Variants in PALLD observed in about 807,000 individuals in gnomAD.
The protein encoded by PALLD is palladin, cytoskeletal associated protein.
A neutral mutation model predicts 123.5 loss-of-function variants in PALLD; 61 were observed. That is an observed-to-expected ratio of 0.49 (90% CI 0.40 to 0.61). The LOEUF (loss-of-function observed/expected upper bound fraction) is 0.61, where lower values mean the gene tolerates loss of function less well. Ranked by LOEUF, PALLD falls within the 20% of genes least tolerant of loss-of-function variation. The probability of loss-of-function intolerance (pLI) is 0.00; values close to 1 mark genes in which losing one functional copy is unlikely to be tolerated. For missense variants in PALLD, 1,273 were observed against 1,377.0 expected, an observed-to-expected ratio of 0.92 and a Z score of 1.20; for synonymous variants, 465 against 496.4, an observed-to-expected ratio of 0.94 and a Z score of 0.84.
intron 10 of PALLD, among the ~76,000 whole-genome samples, chr4:168,771,672 T>C (rs1423546853): frequency 1.3e-5 from 2 of 152,178 alleles, no homozygotes; most frequent in Non-Finnish European, 2.9e-5. Context: ...AGGGCTTGTC[T>C]ACACTTGGTC....
chr4:168,855,397 AATGTT>A (rs1294132852), intron 10 of PALLD, among the ~76,000 whole-genome samples: 3 of 152,146 alleles, frequency 2.0e-5, no homozygotes, highest in Non-Finnish European at 4.4e-5. Flanking sequence ...CCTGAAAAGG[AATGTT>A]CTAAGTTCAG....
At chr4:168,819,524 A>T (rs1221153268) in intron 10 of PALLD, among the ~76,000 whole-genome samples, 1 of 152,200 alleles carries the variant, frequency 6.6e-6, no homozygotes, top group African/African-American at 2.4e-5. Flanking sequence ...TTGGGAGCCA[A>T]TCCTGACATT....
intron 1 of PALLD, among the ~76,000 whole-genome samples, chr4:168,505,251 A>G (rs564651864): frequency 2.6e-5 from 4 of 152,328 alleles, no homozygotes; most frequent in Non-Finnish European, 5.9e-5. Context: ...TTCAATGTGC[A>G]AGCAGTTTTA....
intron 2 of PALLD, among the ~76,000 whole-genome samples, chr4:168,592,925 C>T (rs1254824758): frequency 4.0e-5 from 6 of 151,884 alleles, no homozygotes; most frequent in African/African-American, 9.7e-5. Context: ...AAGAGACCTA[C>T]GTGTCTAGAA....
At chr4:168,777,985 C>A (rs998080543) in intron 10 of PALLD, among the ~76,000 whole-genome samples, 3 of 152,188 alleles carry the variant, frequency 2.0e-5, no homozygotes, top group African/African-American at 7.2e-5. Flanking sequence ...ACCAGACTCA[C>A]CTCAACCTCA....
rs1491202348 is a variant in PALLD at position 168,794,493 on chromosome 4, C to CGCACACACACAT, written c.1964+82581_1964+82582insTGCACACACACA. ...ACGTGCACACGCACACACACATGCACGCACACACACACGCACACACACACA... is the reference window on the plus strand; with the variant it reads ...ACGTGCACACGCACACACACATGCACGCACACACACATGCACACACACACGCACACACACACA... On this transcript the variant is annotated intron_variant, in intron 10 of 21. Coordinates refer to ENST00000505667, the MANE Select transcript of PALLD (RefSeq NM_001166108.2). Among the ~76,000 whole-genome samples the CGCACACACACAT allele has an allele frequency of 6.7e-3, 937 of 139,416 alleles. 13 individuals carry two copies. The highest frequency in any genetic ancestry group is 0.024 in the African/African-American group (873 of 35,718). The allele number at this position is 139,416 out of a possible 152,430, so 91.5% of individuals were successfully genotyped here. A position where few individuals can be genotyped will look rare whatever the true frequency, so the allele number is the denominator to read the frequency against.
rs1429527070 is a variant in PALLD, at chr4:168,534,793, C to T, written c.908+22381C>T. On this transcript the variant is annotated intron_variant, in intron 2 of 21. Transcript: ENST00000505667. ...AATTCTGTCTTATTTTCCTTTGAAT[C>T]CTCTATAGCTACTAGAACAGTTTAC... 2.6e-5 allele frequency among the ~76,000 whole-genome samples: 4 copies of T among 152,268 alleles called. No individual in the cohort carries two copies. In the East Asian group the frequency reaches 7.7e-4, roughly 29 times the overall value.
chr4:168,915,085 C>CT (rs528850710), intron 16 of PALLD, among the ~76,000 whole-genome samples: 96 of 152,224 alleles, frequency 6.3e-4, no homozygotes, highest in Non-Finnish European at 1.2e-3. Context: ...TCCTGGAAAG[C>CT]TTTTTTTCCC....
In PALLD at chr4:168,813,804, A is replaced by G. The variant is rs10003482; in HGVS notation, c.1965-77118A>G. ...ATTTTAAATGGTAAACTTGATCTGT[A>G]TAATATTTGGACCTCCCTCAAAAAA... is the stretch of plus-strand genomic sequence containing the variant. On this transcript the variant is annotated intron_variant, in intron 10 of 21. Coordinates refer to ENST00000505667, the MANE Select transcript of PALLD (RefSeq NM_001166108.2). 3.9e-5 allele frequency among the ~76,000 whole-genome samples: 6 copies of G among 152,110 alleles called. No individual in the cohort carries two copies. The South Asian group carries it at 8.3e-4, about 21-fold the overall frequency.
intron 2 of PALLD, among the ~76,000 whole-genome samples, chr4:168,610,101 T>C (rs1284874357): frequency 6.6e-6 from 1 of 152,244 alleles, no homozygotes; most frequent in African/African-American, 2.4e-5. Flanking sequence ...TATTGCTGTT[T>C]CATGTCTATC....
At chr4:168,743,112 C>T (rs748646135) in intron 10 of PALLD, among the ~76,000 whole-genome samples, 4 of 152,182 alleles carry the variant, frequency 2.6e-5, no homozygotes, top group East Asian at 1.9e-4. Context: ...ATAACTCTCA[C>T]GCAATTACTC....
chr4:168,515,551 G>T (rs1450314618), intron 2 of PALLD, among the ~76,000 whole-genome samples: 1 of 152,192 alleles, frequency 6.6e-6, no homozygotes, highest in African/African-American at 2.4e-5. Flanking sequence ...GTGTTGGGTA[G>T]TTGGCAGCTG....
chr4:168,615,997 TC>T (rs1774188907), intron 2 of PALLD, among the ~76,000 whole-genome samples: 1 of 152,200 alleles, frequency 6.6e-6, no homozygotes, highest in Non-Finnish European at 1.5e-5. Flanking sequence ...TTTTTCTTTT[TC>T]CTTTTTTAAG....
At chr4:168,859,351 C>T (rs944637411) in intron 10 of PALLD, among the ~76,000 whole-genome samples, 3 of 152,138 alleles carry the variant, frequency 2.0e-5, no homozygotes, top group African/African-American at 4.8e-5. Flanking sequence ...TCTATGGAAG[C>T]GGAGTCTTCT....
At chr4:168,898,289 G>T in intron 13 of PALLD, 1 of 597,696 alleles carries the variant, frequency 1.7e-6, no homozygotes, top group Non-Finnish European at 3.0e-6. Context: ...TGGATGATAG[G>T]ACTTGAAGAC....
intron 8 of PALLD, among the ~76,000 whole-genome samples, chr4:168,704,528 C>T (rs991429553): frequency 2.0e-5 from 3 of 151,590 alleles, no homozygotes; most frequent in South Asian, 4.2e-4. Context: ...AAAAATTAGC[C>T]GGGCGGGCGC....
At chr4:168,627,803 G>T (rs1435545130) in intron 2 of PALLD, among the ~76,000 whole-genome samples, 1 of 152,028 alleles carries the variant, frequency 6.6e-6, no homozygotes, top group African/African-American at 2.4e-5. Context: ...ATAAAATATG[G>T]GAACACTATA....
intron 10 of PALLD, among the ~76,000 whole-genome samples, chr4:168,833,117 C>T (rs944292994): frequency 1.3e-5 from 2 of 152,180 alleles, no homozygotes; most frequent in African/African-American, 4.8e-5. Context: ...CTCATTTTAA[C>T]TTTTGGGGGC....
At chr4:168,716,147 C>T (rs1343665490) in intron 10 of PALLD, among the ~76,000 whole-genome samples, 2 of 152,146 alleles carry the variant, frequency 1.3e-5, no homozygotes, top group African/African-American at 2.4e-5. Context: ...TTCAAATCCC[C>T]TTTGTTACTT....
Sources: allele counts gnomAD v4.1 joint callset (sites outside exome capture counted in the v4.1 genomes callset), GRCh38; gene constraint gnomAD v4.1.1; transcripts MANE v1.5; gene names NCBI Gene and HGNC (gene_info 2026-07-23, HGNC 2026-07-21).